SNRPA: variants seen among roughly 807,000 people sequenced by gnomAD.
SNRPA encodes the protein small nuclear ribonucleoprotein polypeptide A.
A neutral mutation model predicts 24.5 loss-of-function variants in SNRPA; 10 were observed. The observed-to-expected ratio is 0.41, with a 90% CI of 0.25 to 0.69. The LOEUF (loss-of-function observed/expected upper bound fraction) is 0.69, where lower values mean the gene tolerates loss of function less well. Among genes scored for constraint, SNRPA ranks in the 30% least tolerant of loss-of-function variants. SNRPA has a pLI of 0.33. For missense variants in SNRPA, 283 were observed against 394.7 expected (o/e 0.72, Z 2.40); for synonymous variants, 165 against 148.4 (o/e 1.11, Z -0.81).
rs2082910133 is a variant in SNRPA at position 40,756,753 on chromosome 19, A to T, written c.74-579A>T. Among the ~76,000 whole-genome samples, 3 of 152,198 alleles carry T rather than the reference A, an allele frequency of 2.0e-5. No homozygotes were observed. The South Asian group carries it at 6.2e-4, about 32-fold the overall frequency. ...GTCATGAAAGAAAAGGAAGTAGAGT[A>T]AGAATGACATGGGAAGAAATTTAGA... On this transcript the variant is annotated intron_variant, in intron 1 of 5. Transcript: ENST00000243563.
chr19:40,755,281 T>TTTTTTTTC (rs1491110055), intron 1 of SNRPA, among the ~76,000 whole-genome samples: 1 of 130,904 alleles, frequency 7.6e-6, no homozygotes, highest in Non-Finnish European at 1.6e-5. Context: ...TTTTTTTTTT[T>TTTTTTTTC]GGCATTTTTA....
chr19:40,764,333 TATA>T (rs1231721576), intron 5 of SNRPA, among the ~76,000 whole-genome samples: 1 of 152,104 alleles, frequency 6.6e-6, no homozygotes, highest in Admixed American at 6.6e-5. Flanking sequence ...AGCGCAACTT[TATA>T]ATAGTGCCGA....
chr19:40,763,178 G>A (rs2082940397), intron 4 of SNRPA, 104 bp downstream of exon 4: 3 of 815,046 alleles, frequency 3.7e-6, no homozygotes, highest in Middle Eastern at 2.6e-4. Flanking sequence ...GTCTGGGCAG[G>A]CCCCCTGAGG....
chr19:40,752,923 A>G (rs1305487102), intron 1 of SNRPA, among the ~76,000 whole-genome samples: 1 of 152,154 alleles, frequency 6.6e-6, no homozygotes, highest in Admixed American at 6.6e-5. Context: ...ACCTTGCAGT[A>G]TTTCTTTTTT....
At chr19:40,756,250 TAGA>T (rs759013318) in intron 1 of SNRPA, among the ~76,000 whole-genome samples, 72 of 149,578 alleles carry the variant, frequency 4.8e-4, no homozygotes, top group Non-Finnish European at 8.6e-4. Flanking sequence ...CCCTGAGCAG[TAGA>T]AGGAGATTCT....
intron 3 of SNRPA, among the ~76,000 whole-genome samples, chr19:40,762,578 A>T (rs1359445869): frequency 1.3e-5 from 2 of 149,750 alleles, no homozygotes; most frequent in Non-Finnish European, 1.5e-5. Context: ...CTCTCCTTTG[A>T]TTTTGTTTAA....
chr19:40,762,163 G>A (rs376992912), intron 3 of SNRPA, among the ~76,000 whole-genome samples: 59 of 152,076 alleles, frequency 3.9e-4, no homozygotes, highest in Middle Eastern at 3.4e-3. Context: ...TTGCTGCCAC[G>A]CGTTTTGTTC....
chr19:40,764,301 C>T (rs1017367203), intron 5 of SNRPA, among the ~76,000 whole-genome samples: 3 of 152,082 alleles, frequency 2.0e-5, no homozygotes, highest in Admixed American at 1.3e-4. Context: ...TGCTGCACTG[C>T]GTGGCACTTA....
chr19:40,759,410 G>T (rs377608713), intron 2 of SNRPA, 21 bp from the exon 3 acceptor site: 7 of 1,601,610 alleles, frequency 4.4e-6, no homozygotes, highest in Non-Finnish European at 6.0e-6. Context: ...CTCTTAACCC[G>T]TTCTGCTCTC....
Position 40,765,135 on chromosome 19 carries a change from A to T in SNRPA, c.817A>T (p.Asn273Tyr). ...ALQGFKITQN[N>Y]AMKISFAKK ...GCAGGGCTTTAAGATCACGCAGAAC[A>T]ACGCCATGAAGATCTCCTTTGCCAA... Residue 273 changes from asparagine (N) to tyrosine (Y), a missense_variant, in exon 6 of 6, where the codon AAC becomes TAC. Transcript: ENST00000243563. 2 of 1,553,256 alleles carry T rather than the reference A, an allele frequency of 1.3e-6. No homozygotes were observed. The highest frequency in any genetic ancestry group is 1.7e-6 in the Non-Finnish European group (2 of 1,150,226).
Position 40,762,990 on chromosome 19 carries a change from G to T in SNRPA, c.516G>T (p.Pro172=), listed in dbSNP as rs557086367. ...PYMPPPGMIP[P]PGLAPGQIPP... is the part of the protein sequence containing the mutation. The stretch of plus-strand genomic sequence containing the variant: ...TGCCGCCCCCTGGTATGATCCCCCC[G>T]CCAGGCCTTGCACCTGGCCAGATCC... Residue 172 remains proline, a synonymous_variant, in exon 4 of 6, where the codon CCG becomes CCT. Coordinates refer to ENST00000243563, the MANE Select transcript of SNRPA (RefSeq NM_004596.5). 3.7e-6 allele frequency: 6 copies of T among 1,611,682 alleles called. No individual in the cohort carries two copies. The Admixed American group carries it at 5.0e-5, about 13-fold the overall frequency.
In SNRPA at chr19:40,751,272, C is replaced by CCCCT. The variant is rs1341373278; in HGVS notation, c.-136_-133dup. The CCCCT allele has an allele frequency of 1.4e-6, 1 of 730,526 alleles. No homozygotes were observed. The highest frequency in any genetic ancestry group is 2.5e-6 in the Non-Finnish European group (1 of 396,818). The allele number at this position is 730,526 out of a possible 1,614,324, so 45.3% of individuals were successfully genotyped here. On this transcript the variant is annotated 5_prime_UTR_variant, in exon 1 of 6. Coordinates refer to ENST00000243563, the MANE Select transcript of SNRPA (RefSeq NM_004596.5). ...TTGTCGCGCTTTGCCTCCGTCCTTG[C>CCCCT]CCCTACTCCCGCCTTACCTGACTTC...
At chr19:40,763,139 C>A in intron 4 of SNRPA, 65 bp downstream of exon 4, 4 of 1,297,044 alleles carry the variant, frequency 3.1e-6, no homozygotes, top group Non-Finnish European at 4.2e-6. Flanking sequence ...TAGAAAGGGA[C>A]CAGTTGGGGG....
intron 1 of SNRPA, among the ~76,000 whole-genome samples, chr19:40,752,621 G>GT (rs2082887003): frequency 6.6e-6 from 1 of 151,240 alleles, no homozygotes; most frequent in African/African-American, 2.4e-5. Flanking sequence ...CGTGGGTGGG[G>GT]TGCGTCTGTG....
intron 1 of SNRPA, among the ~76,000 whole-genome samples, chr19:40,752,476 T>C (rs112046926): frequency 0.03 from 4,491 of 147,762 alleles, 85 homozygotes; most frequent in African/African-American, 0.041. Context: ...GGCGTGGTGG[T>C]TCAGGCCTGT....
At chr19:40,751,551 C>A in intron 1 of SNRPA, 70 bp downstream of exon 1, 2 of 1,111,174 alleles carry the variant, frequency 1.8e-6, no homozygotes, top group Non-Finnish European at 2.8e-6. Flanking sequence ...TCCCCTGCAC[C>A]CGCCTCTCTT....
intron 1 of SNRPA, among the ~76,000 whole-genome samples, chr19:40,755,263 T>C (rs1013567420): frequency 2.9e-5 from 4 of 140,060 alleles, no homozygotes; most frequent in African/African-American, 5.5e-5. Flanking sequence ...TTTTCTTTTT[T>C]TTTTTTTTTT....
chr19:40,763,800 C>A, intron 5 of SNRPA, 125 bp downstream of exon 5: 1 of 799,840 alleles, frequency 1.3e-6, no homozygotes, highest in Non-Finnish European at 2.2e-6. Context: ...GAAGGGACAG[C>A]GACCAAAGAT....
intron 5 of SNRPA, among the ~76,000 whole-genome samples, chr19:40,764,121 C>T (rs2082944698): frequency 6.6e-6 from 1 of 152,166 alleles, no homozygotes. Flanking sequence ...GAGGCCGGTG[C>T]AGCCGATGTG....
Sources: gnomAD v4.1 joint callset for allele counts (sites outside exome capture counted in the v4.1 genomes callset) on GRCh38, gnomAD v4.1.1 for gene constraint, MANE v1.5 for transcripts, NCBI Gene and HGNC (gene_info 2026-07-23, HGNC 2026-07-21) for gene names.